Variants in BRINP3 observed in about 807,000 individuals in gnomAD.
BRINP3 encodes BMP/retinoic acid-inducible neural-specific protein 3.
Under a neutral mutation model 71.0 loss-of-function variants are expected in BRINP3, and 19 were observed. That is an observed-to-expected ratio of 0.27 (90% confidence interval 0.19 to 0.39). The LOEUF (loss-of-function observed/expected upper bound fraction) is 0.39. BRINP3 is among the 10% of genes least tolerant of loss of function. BRINP3 has a pLI of 1.00. For missense variants in BRINP3, 959 were observed against 940.8 expected, an observed-to-expected ratio of 1.02 and a Z score of -0.25; for synonymous variants, 380 against 337.7, an observed-to-expected ratio of 1.13 and a Z score of -1.37.
chr1:190,249,112 T>C (rs1394740968), intron 4 of BRINP3, among the ~76,000 whole-genome samples: 1 of 151,752 alleles, frequency 6.6e-6, no homozygotes, highest in Admixed American at 6.6e-5. Flanking sequence ...AATACTTCAT[T>C]GGTAGCAACC....
chr1:190,400,325 T>C (rs1421344768), intron 2 of BRINP3, among the ~76,000 whole-genome samples: 1 of 152,102 alleles, frequency 6.6e-6, no homozygotes, highest in Non-Finnish European at 1.5e-5. Context: ...CACAAAACAA[T>C]ATTGAAATAG....
At chr1:190,435,451 G>A (rs978783197) in intron 2 of BRINP3, among the ~76,000 whole-genome samples, 4 of 151,684 alleles carry the variant, frequency 2.6e-5, no homozygotes, top group Admixed American at 2.0e-4. Context: ...GATTGATAAC[G>A]TGAGATCGAG....
At chr1:190,345,236 C>T (rs557347514) in intron 2 of BRINP3, among the ~76,000 whole-genome samples, 119 of 151,778 alleles carry the variant, frequency 7.8e-4, no homozygotes, top group Non-Finnish European at 1.5e-3. Context: ...TGTTCATAAT[C>T]GTTCCAGAAA....
chr1:190,164,521 A>C (rs74710726), intron 6 of BRINP3, among the ~76,000 whole-genome samples: 12 of 152,132 alleles, frequency 7.9e-5, no homozygotes, highest in Non-Finnish European at 2.9e-5. Context: ...GAATACATAT[A>C]AAATATAAGC....
At chr1:190,121,386 T>TAA (rs1653640723) in intron 7 of BRINP3, among the ~76,000 whole-genome samples, 1 of 152,170 alleles carries the variant, frequency 6.6e-6, no homozygotes, top group Admixed American at 6.6e-5. Context: ...ACAATAATTG[T>TAA]ACAATTAAGA....
At chr1:190,382,759 A>T (rs1670629820) in intron 2 of BRINP3, among the ~76,000 whole-genome samples, 1 of 152,198 alleles carries the variant, frequency 6.6e-6, no homozygotes, top group Non-Finnish European at 1.5e-5. Flanking sequence ...ATTAGCAGCC[A>T]CTGAATTTGC....
intron 2 of BRINP3, among the ~76,000 whole-genome samples, chr1:190,283,950 TTTG>T (rs766789561): frequency 4.6e-5 from 7 of 151,856 alleles, no homozygotes; most frequent in Non-Finnish European, 8.8e-5. Context: ...CAGTGCTAAA[TTTG>T]TTAACTCAAA....
intron 2 of BRINP3, among the ~76,000 whole-genome samples, chr1:190,443,250 A>C (rs2102568297): frequency 6.6e-6 from 1 of 152,072 alleles, no homozygotes; most frequent in African/African-American, 2.4e-5. Flanking sequence ...CTAAAAATAT[A>C]AAAAATTAGC....
intron 2 of BRINP3, among the ~76,000 whole-genome samples, chr1:190,323,174 T>C (rs57236441): frequency 0.15 from 23,287 of 151,976 alleles, 2,415 homozygotes; most frequent in South Asian, 0.27. Context: ...ACATACCTGG[T>C]CTAGGTAGTG....
At chr1:190,220,202 A>T (rs1656754937) in intron 6 of BRINP3, among the ~76,000 whole-genome samples, 1 of 152,254 alleles carries the variant, frequency 6.6e-6, no homozygotes, top group South Asian at 2.1e-4. Flanking sequence ...AAAAGCAGCA[A>T]GAGAAAAGAA....
In BRINP3 at chr1:190,098,541, A is replaced by G; in HGVS notation, c.1778T>C (p.Phe593Ser). The G allele has an allele frequency of 6.2e-7, 1 of 1,614,174 alleles. No individual in the cohort carries two copies. Among genetic ancestry groups the G allele is most frequent in the Non-Finnish European group, 8.5e-7 (1 of 1,180,020 alleles). The change falls in exon 8 of 8, where the codon TTT (phenylalanine) becomes TCT (serine). Residue 593 changes from phenylalanine (F) to serine (S), a missense_variant. Physicochemically the swap from Phe to Ser is radical, Grantham distance 155 (BLOSUM62 -2). Coordinates refer to ENST00000367462, the MANE Select transcript of BRINP3 (RefSeq NM_199051.3). ...CAACTTAGTCCGCTCCCAGTCTGGA[A>G]AGCTGTTTTCATTCACAGGCATAAA... ...SWFMPVNENS[F>S]PDWERTKLDL...
intron 7 of BRINP3, among the ~76,000 whole-genome samples, chr1:190,157,097 A>C (rs146295372): frequency 6.6e-6 from 1 of 151,770 alleles, no homozygotes; most frequent in Non-Finnish European, 1.5e-5. Flanking sequence ...TCCCAAGAGG[A>C]TTGGTTCCAG....
In BRINP3 at chr1:190,236,402, T is replaced by G. The variant is rs576432940; in HGVS notation, c.619-1925A>C. ...GAAGTTATGTCAATGACAGGACTAC[T>G]AATTTGGAAGTCATCAACTTAGAGG... On this transcript the variant is annotated intron_variant, in intron 4 of 7. Coordinates refer to ENST00000367462, the MANE Select transcript of BRINP3 (RefSeq NM_199051.3). Among the ~76,000 whole-genome samples, 7 of 152,162 alleles carry G rather than the reference T, an allele frequency of 4.6e-5. No individual in the cohort carries two copies. The South Asian group carries it at 1.4e-3, about 32-fold the overall frequency.
chr1:190,167,395 A>G (rs897785641), intron 6 of BRINP3, among the ~76,000 whole-genome samples: 11 of 152,158 alleles, frequency 7.2e-5, no homozygotes, highest in African/African-American at 2.7e-4. Context: ...TGTGTGTTGC[A>G]GAAATGGCAT....
intron 6 of BRINP3, among the ~76,000 whole-genome samples, chr1:190,224,668 T>C (rs1192228207): frequency 6.6e-6 from 1 of 151,458 alleles, no homozygotes; most frequent in African/African-American, 2.4e-5. Flanking sequence ...CTCTGTACAG[T>C]AAACAATCAG....
intron 5 of BRINP3, 46 bp downstream of exon 5, chr1:190,234,326 T>C: frequency 7.1e-7 from 1 of 1,398,858 alleles, no homozygotes; most frequent in Non-Finnish European, 1.0e-6. Context: ...GACTGGATAA[T>C]TGCTATTCAG....
At chr1:190,344,722 T>C (rs557035198) in intron 2 of BRINP3, among the ~76,000 whole-genome samples, 4 of 151,896 alleles carry the variant, frequency 2.6e-5, no homozygotes, top group Non-Finnish European at 5.9e-5. Context: ...AGCTAGGAGG[T>C]AGTTGAAAAG....
chr1:190,340,693 T>C (rs1667597058), intron 2 of BRINP3, among the ~76,000 whole-genome samples: 1 of 151,514 alleles, frequency 6.6e-6, no homozygotes, highest in East Asian at 2.0e-4. Flanking sequence ...CATACTAGAA[T>C]AGAACCTTTC....
chr1:190,189,571 T>C lies in BRINP3; in HGVS notation c.962-28681A>G, dbSNP rs147456053. Among the ~76,000 whole-genome samples the C allele has an allele frequency of 1.3e-4, 20 of 152,244 alleles. No homozygotes were observed. The South Asian group carries it at 2.5e-3, about 19-fold the overall frequency. On this transcript the variant is annotated intron_variant, in intron 6 of 7. Coordinates refer to ENST00000367462, the MANE Select transcript of BRINP3 (RefSeq NM_199051.3). ...TTTTTTCACATTTTCATTGTGTTAA[T>C]TGTATTTTTTCAGTTTCAACATTTA...
Sources: gnomAD v4.1 joint callset for allele counts (sites outside exome capture counted in the v4.1 genomes callset) on GRCh38, gnomAD v4.1.1 for gene constraint, MANE v1.5 for transcripts, NCBI Gene and HGNC (gene_info 2026-07-23, HGNC 2026-07-21) for gene names.